CENPN: variants seen among roughly 807,000 people sequenced by gnomAD.
The protein encoded by CENPN is centromere protein N.
Under a neutral mutation model 48.6 loss-of-function variants are expected in CENPN, and 36 were observed. The ratio of observed to expected loss-of-function variants is 0.74; its 90% CI spans 0.57 to 0.98. The LOEUF is 0.98. Ranked by LOEUF, CENPN falls within the 50% of genes least tolerant of loss-of-function variation. CENPN has a pLI of 0.00. For synonymous variants in CENPN, 166 were observed against 135.2 expected (o/e 1.23, Z -1.58); for missense variants, 439 against 399.2 (o/e 1.10, Z -0.85).
chr16:81,022,621 C>A lies in CENPN; in HGVS notation c.556C>A (p.His186Asn). ...GQALTIASKH[H>N]QIVKMDLRSR... ...GGCGCTGACAATTGCTAGCAAACAC[C>A]ATCAGATTGTGAAAATGGACCTGAG... is the stretch of plus-strand genomic sequence containing the variant. The change falls in exon 7 of 11, where the codon CAT becomes AAT. Residue 186 changes from histidine to asparagine, a missense_variant. His to Asn is a moderately conservative substitution (Grantham distance 68). Transcript: ENST00000305850. 1 of 1,614,026 alleles carries A rather than the reference C, an allele frequency of 6.2e-7. No individual in the cohort carries two copies. The highest frequency in any genetic ancestry group is 1.1e-5 in the South Asian group (1 of 91,076).
Position 81,011,910 on chromosome 16 carries a change from C to T in CENPN, c.-10-20C>T. On this transcript the variant is annotated intron_variant, in intron 1 of 10. Transcript: ENST00000305850. ...TGTATTTGGTTAATACTTTGTTGTG[C>T]TGTTTTTGTTTTGTAAAAGTGCCAA... The T allele has an allele frequency of 6.3e-7, 1 of 1,595,610 alleles. No homozygotes were observed.
intron 6 of CENPN, among the ~76,000 whole-genome samples, chr16:81,021,470 G>C (rs969482812): frequency 2.0e-5 from 3 of 152,158 alleles, no homozygotes; most frequent in African/African-American, 7.2e-5. Flanking sequence ...GCTGCATCAT[G>C]TCCTGTCACT....
At chr16:81,022,980 T>G in intron 7 of CENPN, 3 of 1,107,488 alleles carry the variant, frequency 2.7e-6, no homozygotes, top group Non-Finnish European at 3.8e-6. Context: ...TTGTTTTCTC[T>G]TTAGAGAAAC....
chr16:81,025,793 C>G (rs1176857544), intron 8 of CENPN, among the ~76,000 whole-genome samples: 1 of 150,198 alleles, frequency 6.7e-6, no homozygotes. Flanking sequence ...ACCTCTGCTT[C>G]CCAGGTTCAA....
intron 8 of CENPN, 63 bp downstream of exon 8, chr16:81,024,841 C>A: frequency 1.8e-6 from 2 of 1,119,956 alleles, no homozygotes; most frequent in Non-Finnish European, 2.6e-6. Flanking sequence ...AGATTTCTTT[C>A]ACTTGGTAAA....
In CENPN at chr16:81,028,421, TC is replaced by T; in HGVS notation, c.937+125del. On this transcript the variant is annotated intron_variant, in intron 10 of 10. Transcript: ENST00000305850. ...TAGTCTGCTAGCCCATCCTGCTCTC[TC>T]TTGCATCTTCTGCTTCTGTACTTAA... The T allele has an allele frequency of 3.4e-6, 5 of 1,472,568 alleles. No homozygotes were observed. In the African/African-American group the frequency reaches 4.2e-5, roughly 12 times the overall value. The allele number at this position is 1,472,568 out of a possible 1,614,324, so 91.2% of individuals were successfully genotyped here.
At chr16:81,011,344 G>A (rs540720744) in intron 1 of CENPN, among the ~76,000 whole-genome samples, 1 of 152,216 alleles carries the variant, frequency 6.6e-6, no homozygotes, top group African/African-American at 2.4e-5. Flanking sequence ...TTTTAACATA[G>A]TTTGTGATTT....
intron 8 of CENPN, among the ~76,000 whole-genome samples, chr16:81,026,147 ATATATATGTG>A (rs1401058697): frequency 7.7e-4 from 110 of 143,404 alleles, no homozygotes; most frequent in South Asian, 5.3e-3. Flanking sequence ...ATATATGTAT[ATATATATGTG>A]TATATATATG....
At chr16:81,025,116 A>T (rs1970405155) in intron 8 of CENPN, among the ~76,000 whole-genome samples, 2 of 148,738 alleles carry the variant, frequency 1.3e-5, no homozygotes, top group South Asian at 2.2e-4. Flanking sequence ...AGCGCCATTC[A>T]TCAGGAAACT....
At chr16:81,013,027 T>C (rs1273251226) in intron 2 of CENPN, among the ~76,000 whole-genome samples, 2 of 152,228 alleles carry the variant, frequency 1.3e-5, no homozygotes, top group Non-Finnish European at 2.9e-5. Flanking sequence ...TGAAGATGCA[T>C]TGTAGCATTG....
At chr16:81,024,561 C>A in intron 7 of CENPN, 154 bp from the exon 8 acceptor site, 1 of 415,900 alleles carries the variant, frequency 2.4e-6, no homozygotes, top group Non-Finnish European at 4.2e-6. Context: ...TGTCAGTGTC[C>A]TGCTCAACTC....
At chr16:81,013,758 G>T (rs1415556913) in intron 2 of CENPN, among the ~76,000 whole-genome samples, 2 of 152,088 alleles carry the variant, frequency 1.3e-5, no homozygotes, top group African/African-American at 4.8e-5. Flanking sequence ...CTGGGAGGCA[G>T]TGCTGGTGGA....
chr16:81,020,029 A>G (rs2151690952), intron 5 of CENPN, 71 bp from the exon 6 acceptor site: 1 of 1,387,180 alleles, frequency 7.2e-7, no homozygotes, highest in Non-Finnish European at 9.8e-7. Flanking sequence ...ACCCCTAATA[A>G]GCACCTGGAG....
chr16:81,026,091 A>G (rs2911155), intron 8 of CENPN, among the ~76,000 whole-genome samples: 95,170 of 136,780 alleles, frequency 0.7, 33,099 homozygotes, highest in Middle Eastern at 0.82. Context: ...GTGTGTGTGT[A>G]TATATATGTG....
In CENPN at chr16:81,030,139, C is replaced by A; in HGVS notation, c.*1488C>A. 1.1e-6 allele frequency: 1 copy of A among 936,850 alleles called. No homozygotes were observed. Among genetic ancestry groups the A allele is most frequent in the African/African-American group, 1.8e-5 (1 of 56,162 alleles). The allele number at this position is 936,850 out of a possible 1,614,324, so 58.0% of individuals were successfully genotyped here. A position where few individuals can be genotyped will look rare whatever the true frequency, so the allele number is the denominator to read the frequency against. ...ATGACTCAAGTATCTCCACCTGGCCCTGCCCTTGTCACATGGGGGTTATTA... is the reference window on the plus strand; with the variant it reads ...ATGACTCAAGTATCTCCACCTGGCCATGCCCTTGTCACATGGGGGTTATTA... On this transcript the variant is annotated 3_prime_UTR_variant, in exon 11 of 11. Transcript: ENST00000305850.
At chr16:81,028,386 C>A in intron 10 of CENPN, 89 bp downstream of exon 10, 1 of 1,527,368 alleles carries the variant, frequency 6.5e-7, no homozygotes, top group Non-Finnish European at 9.0e-7. Context: ...TCTGAGCTCA[C>A]CCATCACCCT....
downstream of CENPN, chr16:81,032,588 A>G (rs117620176): frequency 5.0e-4 from 801 of 1,610,226 alleles, 20 homozygotes; most frequent in East Asian, 0.018. Flanking sequence ...TGCAGGATCC[A>G]AAAGCTGCTC....
chr16:81,029,285 CTT>C lies in CENPN; in HGVS notation c.*635_*636del, dbSNP rs890764686. The C allele has an allele frequency of 1.4e-4, 129 of 913,006 alleles. No homozygotes were observed. Among genetic ancestry groups the C allele is most frequent in the South Asian group, 3.0e-4 (6 of 19,792 alleles). 56.6% of individuals were successfully genotyped at this position (913,006 alleles called of 1,614,324 possible). Reference sequence around the variant, plus strand: ...ACATTCAAACTGACAAATATATTGACTTATGAATAAAGGTGTCAAAAAACTGG... The same window carrying C: ...ACATTCAAACTGACAAATATATTGACATGAATAAAGGTGTCAAAAAACTGG... On this transcript the variant is annotated 3_prime_UTR_variant, in exon 11 of 11. Transcript: ENST00000305850.
chr16:81,032,700 T>C (rs200497619), downstream of CENPN: 117 of 1,598,450 alleles, frequency 7.3e-5, no homozygotes, highest in Non-Finnish European at 9.8e-5. Flanking sequence ...GTTAAAATCA[T>C]GATGTCACAA....
Sources: gnomAD v4.1 joint callset for allele counts (sites outside exome capture counted in the v4.1 genomes callset) on GRCh38, gnomAD v4.1.1 for gene constraint, MANE v1.5 for transcripts, NCBI Gene and HGNC (gene_info 2026-07-23, HGNC 2026-07-21) for gene names.